Variants in PLCB1 observed in about 807,000 individuals in gnomAD.
The protein encoded by PLCB1 is 1-phosphatidylinositol 4,5-bisphosphate phosphodiesterase beta-1.
Under a neutral mutation model 161.8 loss-of-function variants are expected in PLCB1, and 46 were observed. The observed-to-expected ratio is 0.28, with a 90% CI of 0.22 to 0.36. The LOEUF is 0.36. PLCB1 is among the 10% of genes least tolerant of loss of function. PLCB1 has a pLI of 1.00. For synonymous variants in PLCB1, 517 were observed against 503.7 expected, an observed-to-expected ratio of 1.03 and a Z score of -0.35; for missense variants, 1,016 against 1,472.5, an observed-to-expected ratio of 0.69 and a Z score of 5.07.
intron 2 of PLCB1, among the ~76,000 whole-genome samples, chr20:8,151,623 G>C (rs1401223380): frequency 1.3e-5 from 2 of 152,064 alleles, no homozygotes; most frequent in African/African-American, 4.8e-5. Flanking sequence ...CATTCTGTTT[G>C]GTTTCCTGCT....
intron 2 of PLCB1, among the ~76,000 whole-genome samples, chr20:8,214,958 A>C (rs73897319): frequency 0.014 from 2,164 of 152,206 alleles, 46 homozygotes; most frequent in African/African-American, 0.048. Flanking sequence ...AAAATGGTGC[A>C]GTTATTGCTG....
At chr20:8,881,595 G>A (rs1987992896) in intron 31 of PLCB1, 27 bp from the exon 32 acceptor site, 1 of 1,568,662 alleles carries the variant, frequency 6.4e-7, no homozygotes, top group Non-Finnish European at 8.8e-7. Flanking sequence ...ACAACTTCAA[G>A]TCATCTCCCC....
chr20:8,495,220 A>G (rs930645267), intron 3 of PLCB1, among the ~76,000 whole-genome samples: 1 of 152,084 alleles, frequency 6.6e-6, no homozygotes, highest in Admixed American at 6.5e-5. Context: ...ATTCTATGAA[A>G]GTGCTATCAT....
At chr20:8,186,049 A>G (rs911810778) in intron 2 of PLCB1, among the ~76,000 whole-genome samples, 3 of 152,176 alleles carry the variant, frequency 2.0e-5, no homozygotes, top group Non-Finnish European at 4.4e-5. Flanking sequence ...GGCACTTTCA[A>G]AAAGTAGAGT....
In PLCB1 at chr20:8,708,697, G is replaced by GCA; in HGVS notation, c.1196_1197dup (p.Phe400HisfsTer32). ...AGTGATAGAAGCAATTGCGGAGTGT[G>GCA]CATTTAAGACTTCACCTTTTCCAAT... On this transcript the variant is annotated frameshift_variant, in exon 12 of 32. Coordinates refer to ENST00000338037, the MANE Select transcript of PLCB1 (RefSeq NM_015192.4). LOFTEE classifies it high-confidence loss of function. The GCA allele has an allele frequency of 6.2e-7, 1 of 1,612,840 alleles. No individual in the cohort carries two copies. Among genetic ancestry groups the GCA allele is most frequent in the Non-Finnish European group, 8.5e-7 (1 of 1,179,014 alleles).
intron 31 of PLCB1, among the ~76,000 whole-genome samples, chr20:8,810,686 G>T (rs561225693): frequency 6.6e-6 from 1 of 152,150 alleles, no homozygotes; most frequent in Non-Finnish European, 1.5e-5. Context: ...GGTAGAGGCC[G>T]GGCATGGTGG....
At chr20:8,178,191 A>G (rs998094576) in intron 2 of PLCB1, among the ~76,000 whole-genome samples, 5 of 152,210 alleles carry the variant, frequency 3.3e-5, no homozygotes, top group African/African-American at 1.2e-4. Context: ...AGAATTATGT[A>G]TATTCCTTTG....
At chr20:8,716,385 T>G (rs1223214769) in intron 13 of PLCB1, 37 bp downstream of exon 13, 2 of 1,426,162 alleles carry the variant, frequency 1.4e-6, no homozygotes, top group Admixed American at 1.7e-5. Context: ...AAGGAATGTA[T>G]GCATTATTGA....
intron 11 of PLCB1, among the ~76,000 whole-genome samples, chr20:8,700,734 C>G (rs1420463733): frequency 6.6e-6 from 1 of 152,128 alleles, no homozygotes; most frequent in Non-Finnish European, 1.5e-5. Context: ...GCAGGATAGA[C>G]AGTTCTGGCT....
intron 4 of PLCB1, among the ~76,000 whole-genome samples, chr20:8,638,120 T>A (rs935672956): frequency 3.9e-5 from 6 of 152,154 alleles, no homozygotes; most frequent in African/African-American, 1.4e-4. Flanking sequence ...GGTCTCGATC[T>A]CCTGACCTCA....
chr20:8,741,369 C>T (rs901969207), intron 22 of PLCB1, 95 bp from the exon 23 acceptor site: 26 of 771,864 alleles, frequency 3.4e-5, no homozygotes, highest in Admixed American at 2.7e-4. Context: ...TGAATGAATG[C>T]ATGGACTGAT....
intron 2 of PLCB1, among the ~76,000 whole-genome samples, chr20:8,240,571 T>A (rs538961442): frequency 6.6e-6 from 1 of 152,114 alleles, no homozygotes; most frequent in African/African-American, 2.4e-5. Context: ...TGCACACACC[T>A]CCTTGTGCAT....
At chr20:8,729,027 C>T in intron 17 of PLCB1, 23 bp from the exon 18 acceptor site, 1 of 1,488,322 alleles carries the variant, frequency 6.7e-7, no homozygotes, top group Non-Finnish European at 9.0e-7. Flanking sequence ...TAATTGTATT[C>T]ACTACTTAAC....
chr20:8,487,987 C>T (rs1219722883), intron 3 of PLCB1, among the ~76,000 whole-genome samples: 1 of 152,144 alleles, frequency 6.6e-6, no homozygotes, highest in Non-Finnish European at 1.5e-5. Flanking sequence ...GGATCTATGC[C>T]AGCACTGTCC....
At chr20:8,529,861 G>A (rs533285854) in intron 3 of PLCB1, among the ~76,000 whole-genome samples, 2 of 152,144 alleles carry the variant, frequency 1.3e-5, no homozygotes, top group South Asian at 2.1e-4. Context: ...CAAGAGTTCT[G>A]TAACTCTTGG....
chr20:8,492,959 G>A (rs1367593683), intron 3 of PLCB1, among the ~76,000 whole-genome samples: 1 of 151,300 alleles, frequency 6.6e-6, no homozygotes, highest in Non-Finnish European at 1.5e-5. Flanking sequence ...CATTCTCATC[G>A]TAAACAGGTC....
chr20:8,757,073 G>C lies in PLCB1; in HGVS notation c.2551G>C (p.Ala851Pro), dbSNP rs368627128. 1 of 1,612,110 alleles carries C rather than the reference G, an allele frequency of 6.2e-7. No individual in the cohort carries two copies. The highest frequency in any genetic ancestry group is 8.5e-7 in the Non-Finnish European group (1 of 1,178,778). Residue 851 changes from alanine to proline, a missense_variant, in exon 24 of 32, where the codon GCT becomes CCT. By Grantham distance (27) the Ala-to-Pro change is conservative. Transcript: ENST00000338037. ...EADPGETPSE[A>P]PSEARTTPAE... is the part of the protein sequence containing the mutation. ...TGATCCTGGAGAAACACCATCAGAG[G>C]CTCCAAGTGAAGCGAGAACGACTCC...
At position 8,166,390 on chromosome 20, in the gene PLCB1, T is replaced by C. The variant is rs138113170; in HGVS notation, c.177+16019T>C. On this transcript the variant is annotated intron_variant, in intron 2 of 31. Transcript: ENST00000338037. ...TAACCCCATTTTCCTCGAAACACTTTCTTTTCTTGACTTTCTTTTTCTCCT... is the reference window on the plus strand; with the variant it reads ...TAACCCCATTTTCCTCGAAACACTTCCTTTTCTTGACTTTCTTTTTCTCCT... Among the ~76,000 whole-genome samples the C allele has an allele frequency of 1.8e-3, 267 of 150,168 alleles. 2 individuals are homozygous for C. Among genetic ancestry groups the C allele is most frequent in the African/African-American group, 4.4e-3 (182 of 41,388 alleles).
chr20:8,277,562 A>G (rs1211174366), intron 2 of PLCB1, among the ~76,000 whole-genome samples: 2 of 152,122 alleles, frequency 1.3e-5, no homozygotes, highest in Non-Finnish European at 2.9e-5. Flanking sequence ...TAAGTTTGTT[A>G]TAAGTGCAGA....
Sources: gnomAD v4.1 joint callset for allele counts (sites outside exome capture counted in the v4.1 genomes callset) on GRCh38, gnomAD v4.1.1 for gene constraint, MANE v1.5 for transcripts, NCBI Gene and HGNC (gene_info 2026-07-23, HGNC 2026-07-21) for gene names.